ZC3HC1: variants seen among roughly 807,000 people sequenced by gnomAD.
The protein encoded by ZC3HC1 is zinc finger C3HC-type containing 1.
A neutral mutation model predicts 61.9 loss-of-function variants in ZC3HC1; 38 were observed. The observed-to-expected ratio is 0.61, with a 90% CI of 0.47 to 0.81. ZC3HC1 has a LOEUF of 0.81. Ranked by LOEUF, ZC3HC1 falls within the 30% of genes least tolerant of loss-of-function variation. The pLI is 0.00. For synonymous variants in ZC3HC1, 213 were observed against 229.9 expected, an observed-to-expected ratio of 0.93 and a Z score of 0.67; for missense variants, 554 against 622.7, an observed-to-expected ratio of 0.89 and a Z score of 1.17.
chr7:130,023,516 T>C lies in ZC3HC1; in HGVS notation c.1228A>G (p.Ser410Gly), dbSNP rs759253206. The C allele has an allele frequency of 6.2e-7, 1 of 1,614,112 alleles. No homozygotes were observed. The highest frequency in any genetic ancestry group is 1.1e-5 in the South Asian group (1 of 91,082). The change falls in exon 8 of 10, where the codon AGT becomes GGT. Residue 410 changes from serine (S) to glycine (G), a missense_variant. By Grantham distance (56) the Ser-to-Gly change is moderately conservative. Coordinates refer to ENST00000358303, the MANE Select transcript of ZC3HC1 (RefSeq NM_016478.5). The surrounding 1 kb of genome is among the most constrained non-coding windows in gnomAD (Gnocchi z 4.2). The part of the protein sequence containing the change: ...AKRARLCSSS[S>G]SDTSSRSFFD... ...TACATGCGAGGTGGACTCACCGAAC[T>C]GCTGGAGGAGCAGAGGCGAGCTCGC...
At chr7:130,045,616 A>G in intron 2 of ZC3HC1, 1 of 432,762 alleles carries the variant, frequency 2.3e-6, no homozygotes, top group East Asian at 9.1e-5. Flanking sequence ...TAAGACATCA[A>G]CTGGGCCAGG....
intron 2 of ZC3HC1, among the ~76,000 whole-genome samples, chr7:130,047,375 C>T (rs1177413811): frequency 2.6e-5 from 4 of 152,074 alleles, no homozygotes; most frequent in South Asian, 4.1e-4. Flanking sequence ...GGATTACAGG[C>T]GTAAGCCACC....
chr7:130,046,637 GAAAC>G (rs1794876009), intron 2 of ZC3HC1, among the ~76,000 whole-genome samples: 2 of 151,988 alleles, frequency 1.3e-5, no homozygotes. Context: ...GGGAAAAAAG[GAAAC>G]AAAACAATGG....
chr7:130,039,247 G>C (rs1247100472), intron 4 of ZC3HC1: 1 of 538,338 alleles, frequency 1.9e-6, no homozygotes, highest in Non-Finnish European at 3.3e-6. Context: ...TGGAGGCTGA[G>C]GCAGGAGAAT....
chr7:130,036,100 G>A (rs936894606), intron 4 of ZC3HC1, among the ~76,000 whole-genome samples: 1 of 151,778 alleles, frequency 6.6e-6, no homozygotes, highest in African/African-American at 2.4e-5. Context: ...TTTTTCTGAA[G>A]AGTAATATGC....
chr7:130,027,204 C>T (rs1793955431), intron 5 of ZC3HC1: 1 of 151,706 alleles, frequency 6.6e-6, no homozygotes, highest in Non-Finnish European at 1.5e-5. Context: ...GGAACTATGA[C>T]CAGGTGGAAA....
At chr7:130,035,523 A>G (rs1330381976) in intron 4 of ZC3HC1, among the ~76,000 whole-genome samples, 1 of 151,400 alleles carries the variant, frequency 6.6e-6, no homozygotes, top group Non-Finnish European at 1.5e-5. Flanking sequence ...CAAATATATC[A>G]GCACTTTTTT....
At chr7:130,046,475 C>T (rs1030256904) in intron 2 of ZC3HC1, among the ~76,000 whole-genome samples, 24 of 151,710 alleles carry the variant, frequency 1.6e-4, no homozygotes, top group African/African-American at 4.8e-4. Flanking sequence ...GGCATGGTGG[C>T]GGGCGCCTGT....
chr7:130,019,054 C>CTTT (rs397746688), intron 9 of ZC3HC1, among the ~76,000 whole-genome samples: 6 of 132,978 alleles, frequency 4.5e-5, no homozygotes, highest in Non-Finnish European at 8.0e-5. Flanking sequence ...ACTGGTTTTT[C>CTTT]TTTTTTTTTT....
intron 1 of ZC3HC1, chr7:130,050,514 C>T (rs1231836188): frequency 6.8e-7 from 1 of 1,469,466 alleles, no homozygotes. Context: ...TTCACAGCAT[C>T]CATAAACTTG....
At position 130,025,866 on chromosome 7, in the gene ZC3HC1, G is replaced by A. The variant is rs575104472; in HGVS notation, c.776+292C>T. ...AGCCTGGGCAACAGAATGAGACTCC[G>A]TCTCAAAAAAAAAAAAAAAAAAAAA... On this transcript the variant is annotated intron_variant, in intron 6 of 9. Transcript: ENST00000358303. 1.2e-3 allele frequency among the ~76,000 whole-genome samples: 61 copies of A among 49,186 alleles called. 1 individual carries two copies. Among genetic ancestry groups the A allele is most frequent in the Admixed American group, 6.5e-3 (16 of 2,460 alleles). 32.3% of individuals were successfully genotyped at this position (49,186 alleles called of 152,430 possible).
At chr7:130,024,992 G>A (rs1003244222) in intron 6 of ZC3HC1, among the ~76,000 whole-genome samples, 3 of 124,682 alleles carry the variant, frequency 2.4e-5, no homozygotes, top group Non-Finnish European at 4.7e-5. Context: ...TGCAACCTCC[G>A]CCTCCCAGGT....
At chr7:130,022,240 C>T (rs1793675959) in intron 9 of ZC3HC1, 79 bp downstream of exon 9, 11 of 1,563,818 alleles carry the variant, frequency 7.0e-6, no homozygotes, top group Admixed American at 1.7e-5. Flanking sequence ...AGGCGGGGTG[C>T]TAATTATAGG....
At chr7:130,032,666 AATGG>A (rs1563079314) in intron 4 of ZC3HC1, among the ~76,000 whole-genome samples, 1 of 88,222 alleles carries the variant, frequency 1.1e-5, no homozygotes, top group African/African-American at 4.3e-5. Flanking sequence ...TGATAGAAGA[AATGG>A]AAGGAAGGAA....
chr7:130,030,221 CAG>C (rs1794115303), intron 4 of ZC3HC1, among the ~76,000 whole-genome samples: 1 of 127,754 alleles, frequency 7.8e-6, no homozygotes, highest in Non-Finnish European at 1.6e-5. Context: ...TTTTCCGAGA[CAG>C]AGTTTTTGCT....
chr7:130,042,358 T>C (rs1032341708), intron 2 of ZC3HC1, among the ~76,000 whole-genome samples: 1 of 151,170 alleles, frequency 6.6e-6, no homozygotes, highest in Non-Finnish European at 1.5e-5. Flanking sequence ...ATAGCATCCA[T>C]TAATTTTCAC....
In ZC3HC1 at chr7:130,051,283, G is replaced by A. The variant is rs780147562; in HGVS notation, c.84C>T (p.Thr28=). Residue 28 remains threonine (T), a synonymous_variant, in exon 1 of 10, where the codon ACC becomes ACT. Coordinates refer to ENST00000358303, the MANE Select transcript of ZC3HC1 (RefSeq NM_016478.5). ...WGAVVRSPEG[T]PQKIRQLIDE... ...CTATCAGCTGCCGGATTTTCTGGGG[G>A]GTCCCTTCTGGGGAGCGAACTACTG... 10 of 1,612,362 alleles carry A rather than the reference G, an allele frequency of 6.2e-6. No individual in the cohort carries two copies. The highest frequency in any genetic ancestry group is 1.1e-5 in the South Asian group (1 of 90,776).
In ZC3HC1 at chr7:130,051,272, A is replaced by G. The variant is rs1262686624; in HGVS notation, c.95T>C (p.Ile32Thr). Residue 32 changes from isoleucine (I) to threonine (T), a missense_variant, in exon 1 of 10, where the codon ATC becomes ACC. Transcript: ENST00000358303. ...AATCCCCTCATCTATCAGCTGCCGG[A>G]TTTTCTGGGGGGTCCCTTCTGGGGA... ...VRSPEGTPQK[I>T]RQLIDEGIAP... The G allele has an allele frequency of 1.9e-6, 3 of 1,610,492 alleles. No individual in the cohort carries two copies. Among genetic ancestry groups the G allele is most frequent in the East Asian group, 4.5e-5 (2 of 44,546 alleles).
intron 9 of ZC3HC1, among the ~76,000 whole-genome samples, chr7:130,020,754 T>C (rs999595209): frequency 1.3e-5 from 2 of 152,128 alleles, no homozygotes; most frequent in African/African-American, 2.4e-5. Flanking sequence ...GGCTTTCTTT[T>C]TCGTATGGCA....
Sources: gnomAD v4.1 joint callset for allele counts (sites outside exome capture counted in the v4.1 genomes callset) on GRCh38, gnomAD v4.1.1 for gene constraint, Gnocchi (gnomAD v3.1) non-coding constraint, MANE v1.5 for transcripts, NCBI Gene and HGNC (gene_info 2026-07-23, HGNC 2026-07-21) for gene names.